The following PDE4D variants were observed in gnomAD, a reference collection of about 807,000 sequenced individuals.
The protein encoded by PDE4D is 3',5'-cyclic-AMP phosphodiesterase 4D.
PDE4D carries 24 observed loss-of-function variants against 87.4 expected under a neutral mutation model. The observed-to-expected ratio is 0.27, with a 90% CI of 0.20 to 0.39. PDE4D has a LOEUF of 0.39. PDE4D is among the 10% of genes least tolerant of loss of function. PDE4D has a pLI of 1.00. For missense variants in PDE4D, 714 were observed against 1,041.0 expected, an observed-to-expected ratio of 0.69 and a Z score of 4.32; for synonymous variants, 384 against 383.2, an observed-to-expected ratio of 1.00 and a Z score of -0.02.
intron 2 of PDE4D, among the ~76,000 whole-genome samples, chr5:60,135,357 T>G (rs1339122867): frequency 6.6e-6 from 1 of 152,216 alleles, no homozygotes; most frequent in Non-Finnish European, 1.5e-5. Flanking sequence ...ACAGCCAGAA[T>G]GGATAAAGTC....
intron 1 of PDE4D, among the ~76,000 whole-genome samples, chr5:60,495,065 T>C (rs1362298459): frequency 6.6e-6 from 1 of 152,142 alleles, no homozygotes; most frequent in Non-Finnish European, 1.5e-5. Flanking sequence ...AGGCCACCAC[T>C]AAGCAAGGAA....
intron 1 of PDE4D, among the ~76,000 whole-genome samples, chr5:59,762,483 T>C (rs371054859): frequency 2.9e-5 from 3 of 103,084 alleles, no homozygotes; most frequent in Non-Finnish European, 6.1e-5. Context: ...TACACATATG[T>C]GTATATGTGT....
At chr5:59,831,618 T>C (rs1296213423) in intron 1 of PDE4D, among the ~76,000 whole-genome samples, 2 of 152,090 alleles carry the variant, frequency 1.3e-5, no homozygotes, top group South Asian at 2.1e-4. Context: ...AGCTTGACTT[T>C]GGTTACATTC....
chr5:59,618,468 G>T (rs1380492259), intron 1 of PDE4D, among the ~76,000 whole-genome samples: 1 of 152,130 alleles, frequency 6.6e-6, no homozygotes, highest in Admixed American at 6.6e-5. Flanking sequence ...CAGAACAGGC[G>T]TCGGGTTCTG....
intron 3 of PDE4D, among the ~76,000 whole-genome samples, chr5:59,981,003 G>A (rs925047682): frequency 1.2e-4 from 18 of 152,174 alleles, no homozygotes; most frequent in Non-Finnish European, 2.1e-4. Flanking sequence ...TGTAGTCCCA[G>A]CACTTTGGGA....
intron 1 of PDE4D, among the ~76,000 whole-genome samples, chr5:59,455,742 GCTGCACC>G (rs1247970396): frequency 6.6e-6 from 1 of 152,216 alleles, no homozygotes; most frequent in African/African-American, 2.4e-5. Flanking sequence ...CAGGAAGGAG[GCTGCACC>G]CTGCAGAGCC....
chr5:59,088,356 T>G (rs1478885159), intron 5 of PDE4D, among the ~76,000 whole-genome samples: 1 of 152,036 alleles, frequency 6.6e-6, no homozygotes, highest in Non-Finnish European at 1.5e-5. Context: ...TTGATGGGAG[T>G]GTAAATTAGT....
At chr5:59,111,938 T>C (rs962653301) in intron 5 of PDE4D, among the ~76,000 whole-genome samples, 11 of 151,610 alleles carry the variant, frequency 7.3e-5, no homozygotes, top group African/African-American at 2.6e-4. Flanking sequence ...TTCCACATGG[T>C]AGTTTCCAGT....
At chr5:60,423,053 A>G (rs1055818056) in intron 1 of PDE4D, among the ~76,000 whole-genome samples, 1 of 152,246 alleles carries the variant, frequency 6.6e-6, no homozygotes, top group Non-Finnish European at 1.5e-5. Flanking sequence ...GCAAGTCCTT[A>G]GAGACCTAAA....
At chr5:59,402,191 G>A (rs772995390) in intron 1 of PDE4D, among the ~76,000 whole-genome samples, 2 of 152,172 alleles carry the variant, frequency 1.3e-5, no homozygotes, top group African/African-American at 2.4e-5. Flanking sequence ...GGATCATCTC[G>A]TTTAAAGTGT....
chr5:60,092,895 C>T (rs961770394), intron 2 of PDE4D, among the ~76,000 whole-genome samples: 2 of 152,180 alleles, frequency 1.3e-5, no homozygotes, highest in African/African-American at 4.8e-5. Flanking sequence ...ATAGGGGAAG[C>T]ATGACTGGAC....
At chr5:59,336,061 G>C (rs559359391) in intron 1 of PDE4D, among the ~76,000 whole-genome samples, 1 of 152,092 alleles carries the variant, frequency 6.6e-6, no homozygotes, top group South Asian at 2.1e-4. Context: ...GCAGCAAAAC[G>C]GTTAAGGCAC....
chr5:59,345,172 A>C (rs1319737378), intron 1 of PDE4D, among the ~76,000 whole-genome samples: 2 of 152,200 alleles, frequency 1.3e-5, no homozygotes, highest in African/African-American at 2.4e-5. Flanking sequence ...AAAGCAATAC[A>C]CATTTATTTT....
intron 2 of PDE4D, among the ~76,000 whole-genome samples, chr5:60,037,182 A>C (rs1218843273): frequency 1.3e-5 from 2 of 152,228 alleles, no homozygotes; most frequent in African/African-American, 4.8e-5. Flanking sequence ...GGAGAGAGTA[A>C]GCCATTATAT....
At chr5:59,403,914 C>T (rs745944849) in intron 1 of PDE4D, among the ~76,000 whole-genome samples, 7 of 152,156 alleles carry the variant, frequency 4.6e-5, no homozygotes, top group Non-Finnish European at 1.0e-4. Context: ...ATTTACATTC[C>T]CACCAAAAGT....
intron 1 of PDE4D, among the ~76,000 whole-genome samples, chr5:59,330,002 G>C (rs1363359341): frequency 1.3e-5 from 2 of 152,150 alleles, no homozygotes; most frequent in Non-Finnish European, 2.9e-5. Flanking sequence ...GTGAGTCAAA[G>C]CCATTCTATA....
intron 5 of PDE4D, among the ~76,000 whole-genome samples, chr5:59,141,749 C>G (rs933234892): frequency 2.6e-5 from 4 of 152,178 alleles, no homozygotes; most frequent in African/African-American, 9.7e-5. Context: ...CATCGGCAGG[C>G]AGCCTACATG....
At chr5:60,436,635 T>G (rs1349461401) in intron 1 of PDE4D, among the ~76,000 whole-genome samples, 1 of 152,112 alleles carries the variant, frequency 6.6e-6, no homozygotes, top group Non-Finnish European at 1.5e-5. Flanking sequence ...TGAAGTATGA[T>G]TGCCCACTGC....
intron 1 of PDE4D, among the ~76,000 whole-genome samples, chr5:59,492,791 G>A (rs1192643110): frequency 2.0e-5 from 3 of 152,114 alleles, no homozygotes; most frequent in Admixed American, 1.3e-4. Context: ...CGAATTATGG[G>A]GTGGGTCTTT....
Sources: allele counts gnomAD v4.1 joint callset (sites outside exome capture counted in the v4.1 genomes callset), GRCh38; gene constraint gnomAD v4.1.1; transcripts MANE v1.5; gene names NCBI Gene and HGNC (gene_info 2026-07-23, HGNC 2026-07-21).